Variants in SLC10A7 observed in about 807,000 individuals in gnomAD.
SLC10A7 encodes sodium/bile acid cotransporter 7.
A neutral mutation model predicts 43.2 loss-of-function variants in SLC10A7; 29 were observed. That is an observed-to-expected ratio of 0.67 (90% CI 0.50 to 0.92). The LOEUF (loss-of-function observed/expected upper bound fraction) is 0.92. SLC10A7 is among the 40% of genes least tolerant of loss of function. The pLI, the probability that SLC10A7 is intolerant of heterozygous loss-of-function variation, is 0.00. For synonymous variants in SLC10A7, 152 were observed against 144.8 expected (o/e 1.05, Z -0.35); for missense variants, 295 against 403.2 (o/e 0.73, Z 2.30).
intron 7 of SLC10A7, among the ~76,000 whole-genome samples, chr4:146,303,027 C>A (rs1177830243): frequency 1.3e-5 from 2 of 152,174 alleles, no homozygotes; most frequent in African/African-American, 2.4e-5. Flanking sequence ...GACTTGCCCT[C>A]AGCCTAAGAG....
At chr4:146,308,259 C>A (rs989917647) in intron 6 of SLC10A7, among the ~76,000 whole-genome samples, 2 of 152,122 alleles carry the variant, frequency 1.3e-5, no homozygotes, top group African/African-American at 4.8e-5. Flanking sequence ...TTAGAAGTGG[C>A]TCTGAAAGGA....
At chr4:146,521,085 A>C (rs1358392308) in intron 1 of SLC10A7, among the ~76,000 whole-genome samples, 1 of 152,138 alleles carries the variant, frequency 6.6e-6, no homozygotes, top group Non-Finnish European at 1.5e-5. Flanking sequence ...AAAGAGTGCA[A>C]CGTGTCAGTC....
chr4:146,328,251 G>A (rs1733293843), intron 5 of SLC10A7, among the ~76,000 whole-genome samples: 1 of 152,190 alleles, frequency 6.6e-6, no homozygotes, highest in African/African-American at 2.4e-5. Flanking sequence ...GTGGGGGCCT[G>A]AGGACGGGCC....
In SLC10A7 at chr4:146,497,137, G is replaced by T. The variant is rs75369582; in HGVS notation, c.396+6712C>A. On this transcript the variant is annotated intron_variant, in intron 4 of 11. Coordinates refer to ENST00000335472, the MANE Select transcript of SLC10A7 (RefSeq NM_001029998.6). The stretch of plus-strand genomic sequence containing the variant: ...ATGTCTAGGGTGGATATGATATAAA[G>T]AATTTAAGTTTACTTTTCTAATCTT... 7.0e-3 allele frequency among the ~76,000 whole-genome samples: 1,061 copies of T among 152,240 alleles called. 10 individuals carry two copies. Among genetic ancestry groups the T allele is most frequent in the African/African-American group, 0.024 (1,013 of 41,538 alleles).
intron 9 of SLC10A7, among the ~76,000 whole-genome samples, chr4:146,292,526 C>T (rs762270025): frequency 6.6e-6 from 1 of 152,092 alleles, no homozygotes; most frequent in Non-Finnish European, 1.5e-5. Context: ...TTGGGAAAAA[C>T]ATGACTCCAT....
intron 4 of SLC10A7, among the ~76,000 whole-genome samples, chr4:146,493,321 A>G (rs1735616641): frequency 2.6e-5 from 4 of 152,300 alleles, no homozygotes; most frequent in Middle Eastern, 3.4e-3. Context: ...AATAAACCAA[A>G]TTATCAAAAA....
intron 5 of SLC10A7, among the ~76,000 whole-genome samples, chr4:146,395,443 T>C (rs1413473254): frequency 6.6e-6 from 1 of 152,192 alleles, no homozygotes; most frequent in Non-Finnish European, 1.5e-5. Context: ...TTGTATTTCA[T>C]AGATTTATGT....
At chr4:146,454,349 G>T (rs1273220937) in intron 4 of SLC10A7, among the ~76,000 whole-genome samples, 7 of 151,734 alleles carry the variant, frequency 4.6e-5, no homozygotes, top group Non-Finnish European at 8.8e-5. Flanking sequence ...AAGTGGGAGA[G>T]GCCATTAAAT....
intron 5 of SLC10A7, among the ~76,000 whole-genome samples, chr4:146,381,251 G>A (rs1737598184): frequency 6.6e-6 from 1 of 152,154 alleles, no homozygotes; most frequent in Admixed American, 6.6e-5. Context: ...ATGTAAAACA[G>A]AGCAACAAGT....
At chr4:146,388,338 A>G (rs1002600293) in intron 5 of SLC10A7, among the ~76,000 whole-genome samples, 1 of 152,220 alleles carries the variant, frequency 6.6e-6, no homozygotes, top group Non-Finnish European at 1.5e-5. Context: ...CACTCCATTC[A>G]ATAAATGGTG....
At chr4:146,519,493 G>A (rs1738415017) in intron 1 of SLC10A7, among the ~76,000 whole-genome samples, 1 of 151,726 alleles carries the variant, frequency 6.6e-6, no homozygotes, top group Non-Finnish European at 1.5e-5. Flanking sequence ...CTAAGAAAAG[G>A]GAAAGAAAGG....
chr4:146,299,615 A>C (rs1320133348), intron 7 of SLC10A7, among the ~76,000 whole-genome samples: 1 of 152,156 alleles, frequency 6.6e-6, no homozygotes, highest in Non-Finnish European at 1.5e-5. Flanking sequence ...ATGTTTGAGA[A>C]ACAGAAGCAA....
Position 146,491,678 on chromosome 4 carries a change from G to GGGAAGGAAGGAAGGAAGGAA in SLC10A7, c.396+12151_396+12170dup, listed in dbSNP as rs200895728. On this transcript the variant is annotated intron_variant, in intron 4 of 11. Transcript: ENST00000335472. ...AAGGAGGGAGAGAGGGAGGGAGGAA[G>GGGAAGGAAGGAAGGAAGGAA]GGAAGGAAGGAAGGAAGGAAGGAAG... Among the ~76,000 whole-genome samples the GGGAAGGAAGGAAGGAAGGAA allele has an allele frequency of 4.0e-4, 37 of 93,538 alleles. 1 individual carries two copies. The highest frequency in any genetic ancestry group is 5.1e-3 in the Middle Eastern group (1 of 196). The allele number at this position is 93,538 out of a possible 152,430, so 61.4% of individuals were successfully genotyped here.
chr4:146,393,191 CAAAAAAAAAAAAAAAAA>C (rs765135958), intron 5 of SLC10A7, among the ~76,000 whole-genome samples: 4 of 42,070 alleles, frequency 9.5e-5, no homozygotes, highest in Admixed American at 4.2e-4. Flanking sequence ...GGCCCTGTCT[CAAAAAAAAAAAAAAAAA>C]AAAAAAAAAA....
At chr4:146,333,679 AT>A (rs886891139) in intron 5 of SLC10A7, among the ~76,000 whole-genome samples, 17 of 152,166 alleles carry the variant, frequency 1.1e-4, no homozygotes, top group African/African-American at 3.9e-4. Context: ...TAAAAGACAG[AT>A]GAATCAGAAA....
chr4:146,308,610 G>A (rs1731747527), intron 6 of SLC10A7, among the ~76,000 whole-genome samples: 1 of 152,112 alleles, frequency 6.6e-6, no homozygotes, highest in African/African-American at 2.4e-5. Flanking sequence ...TTTATGAGAA[G>A]CAGCAATAAT....
chr4:146,326,988 AG>A (rs1445754906), intron 5 of SLC10A7, among the ~76,000 whole-genome samples: 19 of 152,054 alleles, frequency 1.2e-4, no homozygotes, highest in Admixed American at 5.2e-4. Flanking sequence ...AGAGAGAGAG[AG>A]AGAGAGACAG....
chr4:146,410,031 T>C (rs924287268), intron 5 of SLC10A7, among the ~76,000 whole-genome samples: 1 of 152,164 alleles, frequency 6.6e-6, no homozygotes, highest in African/African-American at 2.4e-5. Flanking sequence ...ACTTAGTTTT[T>C]AAGGACATTT....
chr4:146,427,320 C>T (rs1729445718), intron 5 of SLC10A7, among the ~76,000 whole-genome samples: 1 of 152,154 alleles, frequency 6.6e-6, no homozygotes, highest in African/African-American at 2.4e-5. Context: ...GGGTGACACA[C>T]ACACACAAAA....
Sources: gnomAD v4.1 joint callset for allele counts (sites outside exome capture counted in the v4.1 genomes callset) on GRCh38, gnomAD v4.1.1 for gene constraint, MANE v1.5 for transcripts, NCBI Gene and HGNC (gene_info 2026-07-23, HGNC 2026-07-21) for gene names.